The following JAK1 variants were observed in gnomAD, a reference collection of about 807,000 sequenced individuals.
JAK1 encodes tyrosine-protein kinase JAK1.
Under a neutral mutation model 136.6 loss-of-function variants are expected in JAK1, and 16 were observed. The ratio of observed to expected loss-of-function variants is 0.12; its 90% CI spans 0.08 to 0.18. The LOEUF (loss-of-function observed/expected upper bound fraction) is 0.18, where lower values mean the gene tolerates loss of function less well. Among genes scored for constraint, JAK1 ranks in the 10% least tolerant of loss-of-function variants. The pLI is 1.00. For synonymous variants in JAK1, 492 were observed against 519.5 expected (o/e 0.95, Z 0.72); for missense variants, 859 against 1,450.1 (o/e 0.59, Z 6.62).
chr1:64,834,425 G>A lies in JAK1; in HGVS notation c.*137C>T. The A allele has an allele frequency of 3.2e-6, 2 of 631,302 alleles. No individual in the cohort carries two copies. Among genetic ancestry groups the A allele is most frequent in the South Asian group, 1.9e-5 (1 of 52,156 alleles). The allele number at this position is 631,302 out of a possible 1,614,324, so 39.1% of individuals were successfully genotyped here. ...TACAGTGTGCCTTATACATGTATAT[G>A]TACTGAAGTATGAGTTCAGTGACTT... On this transcript the variant is annotated 3_prime_UTR_variant, in exon 25 of 25. Transcript: ENST00000342505.
In JAK1 at chr1:64,881,415, T is replaced by C. The variant is rs559167598; in HGVS notation, c.205+1862A>G. On this transcript the variant is annotated intron_variant, in intron 3 of 24. Coordinates refer to ENST00000342505, the MANE Select transcript of JAK1 (RefSeq NM_002227.4). ...ATTCAAGGTTACTCATCTAGTAAAA[T>C]GCAGAGCTGAGAATCAAACCAAGAC... Among the ~76,000 whole-genome samples, 19 of 152,090 alleles carry C rather than the reference T, an allele frequency of 1.2e-4. No individual in the cohort carries two copies. In the South Asian group the frequency reaches 3.9e-3, roughly 32 times the overall value.
At chr1:64,949,909 G>A (rs906670853) in intron 1 of JAK1, among the ~76,000 whole-genome samples, 12 of 151,704 alleles carry the variant, frequency 7.9e-5, no homozygotes, top group Non-Finnish European at 1.6e-4. Context: ...GATTACTTAA[G>A]AAAAATAAAA....
chr1:64,932,354 A>G (rs965649212), intron 1 of JAK1, among the ~76,000 whole-genome samples: 1 of 152,196 alleles, frequency 6.6e-6, no homozygotes, highest in East Asian at 1.9e-4. Flanking sequence ...CGGATGTTGC[A>G]GTGAGCCGAG....
intron 4 of JAK1, among the ~76,000 whole-genome samples, chr1:64,875,128 T>A (rs1414497204): frequency 6.6e-6 from 1 of 152,238 alleles, no homozygotes; most frequent in Non-Finnish European, 1.5e-5. Flanking sequence ...GCACTGTGCT[T>A]AAAGGATAAG....
chr1:64,912,660 C>T (rs1426739947), intron 1 of JAK1, among the ~76,000 whole-genome samples: 3 of 152,170 alleles, frequency 2.0e-5, no homozygotes, highest in Non-Finnish European at 4.4e-5. Flanking sequence ...TACTCTCATC[C>T]CCATTTTACA....
At chr1:65,045,326 T>C (rs1351330448) in intron 1 of JAK1, among the ~76,000 whole-genome samples, 4 of 151,418 alleles carry the variant, frequency 2.6e-5, no homozygotes, top group Admixed American at 6.6e-5. Context: ...GGTTTTTTTT[T>C]CTCCTTTTCT....
chr1:65,024,927 A>C (rs538883345), intron 2 of JAK1, among the ~76,000 whole-genome samples: 47 of 152,270 alleles, frequency 3.1e-4, no homozygotes, highest in African/African-American at 1.1e-3. Flanking sequence ...CAGTGAGCCG[A>C]GATCGTGCCA....
chr1:64,989,721 C>CA (rs1245649025), intron 2 of JAK1: 1 of 152,042 alleles, frequency 6.6e-6, no homozygotes, highest in Non-Finnish European at 1.5e-5. Context: ...AAGGCTTGGG[C>CA]AAAAAATTTG....
intron 2 of JAK1, among the ~76,000 whole-genome samples, chr1:65,040,108 G>A (rs968009468): frequency 2.6e-5 from 4 of 151,902 alleles, no homozygotes; most frequent in Admixed American, 1.3e-4. Context: ...CCAGCTACTC[G>A]GGAGGCTGAG....
chr1:64,914,321 A>G (rs1645354428), intron 1 of JAK1, among the ~76,000 whole-genome samples: 1 of 152,206 alleles, frequency 6.6e-6, no homozygotes, highest in Admixed American at 6.5e-5. Flanking sequence ...ATTTTAATAT[A>G]AGAGAATGAC....
chr1:65,012,358 GACACCAGTCC>G (rs1456518497), intron 2 of JAK1, among the ~76,000 whole-genome samples: 1 of 152,108 alleles, frequency 6.6e-6, no homozygotes, highest in African/African-American at 2.4e-5. Flanking sequence ...GGCCTTAGTG[GACACCAGTCC>G]AGGAGCCAGC....
At chr1:64,929,451 A>G (rs564749024) in intron 1 of JAK1, among the ~76,000 whole-genome samples, 12 of 152,352 alleles carry the variant, frequency 7.9e-5, no homozygotes, top group Non-Finnish European at 1.3e-4. Context: ...AGACTTTTCT[A>G]TACTGCAAAC....
At chr1:64,911,839 C>A (rs939982461) in intron 1 of JAK1, among the ~76,000 whole-genome samples, 2 of 152,186 alleles carry the variant, frequency 1.3e-5, no homozygotes, top group South Asian at 2.1e-4. Context: ...CCTGATTTCA[C>A]AATTTTCTGT....
At chr1:65,051,693 CA>C (rs1000141520) in intron 1 of JAK1, among the ~76,000 whole-genome samples, 1 of 152,044 alleles carries the variant, frequency 6.6e-6, no homozygotes, top group Non-Finnish European at 1.5e-5. Flanking sequence ...AAGATAGTAG[CA>C]AAAAAGTGAA....
intron 19 of JAK1, 35 bp downstream of exon 19, chr1:64,841,210 T>C (rs1217264850): frequency 1.4e-6 from 2 of 1,434,476 alleles, no homozygotes; most frequent in Admixed American, 3.4e-5. Context: ...CGGAGGGCTC[T>C]GCCATCAGCA....
intron 2 of JAK1, among the ~76,000 whole-genome samples, chr1:65,029,983 C>T (rs1321222488): frequency 2.0e-5 from 3 of 152,010 alleles, no homozygotes; most frequent in Non-Finnish European, 2.9e-5. Context: ...CTGTTATGGA[C>T]TGTGTGTTCC....
chr1:64,886,526 C>G (rs1390412878), intron 1 of JAK1, among the ~76,000 whole-genome samples, 185 bp from the exon 2 acceptor site: 1 of 152,062 alleles, frequency 6.6e-6, no homozygotes, highest in African/African-American at 2.4e-5. Context: ...AGAGAGACAT[C>G]TTAGGGTGCA....
At chr1:65,015,660 TATAG>T (rs1226313817) in intron 2 of JAK1, among the ~76,000 whole-genome samples, 2 of 152,196 alleles carry the variant, frequency 1.3e-5, no homozygotes, top group Non-Finnish European at 2.9e-5. Flanking sequence ...GGAGAAAACT[TATAG>T]ATATTCAAAC....
intron 9 of JAK1, chr1:64,859,763 C>T (rs748778547): frequency 2.4e-4 from 40 of 165,782 alleles, no homozygotes; most frequent in Non-Finnish European, 4.2e-4. Context: ...CATGGCAGCA[C>T]GCTCAGCTGT....
Sources: allele counts gnomAD v4.1 joint callset (sites outside exome capture counted in the v4.1 genomes callset), GRCh38; gene constraint gnomAD v4.1.1; transcripts MANE v1.5; gene names NCBI Gene and HGNC (gene_info 2026-07-23, HGNC 2026-07-21).